CACNA2D3: variants seen among roughly 807,000 people sequenced by gnomAD.
CACNA2D3 encodes the protein calcium voltage-gated channel auxiliary subunit alpha2delta 3.
Under a neutral mutation model 160.6 loss-of-function variants are expected in CACNA2D3, and 60 were observed. The ratio of observed to expected loss-of-function variants is 0.37; its 90% CI spans 0.30 to 0.46. CACNA2D3 has a LOEUF of 0.46. Among genes scored for constraint, CACNA2D3 ranks in the 20% least tolerant of loss-of-function variants. The probability of loss-of-function intolerance (pLI) is 1.00; values close to 1 mark genes in which losing one functional copy is unlikely to be tolerated. For synonymous variants in CACNA2D3, 558 were observed against 492.9 expected, an observed-to-expected ratio of 1.13 and a Z score of -1.75; for missense variants, 1,205 against 1,365.0, an observed-to-expected ratio of 0.88 and a Z score of 1.85.
chr3:54,503,080 T>C (rs963214252), intron 4 of CACNA2D3, among the ~76,000 whole-genome samples: 2 of 152,212 alleles, frequency 1.3e-5, no homozygotes, highest in Non-Finnish European at 2.9e-5. Context: ...CCTGCTGTAT[T>C]ATTTTTCCAT....
At chr3:54,487,754 A>G (rs1026415678) in intron 4 of CACNA2D3, among the ~76,000 whole-genome samples, 1 of 152,260 alleles carries the variant, frequency 6.6e-6, no homozygotes, top group African/African-American at 2.4e-5. Flanking sequence ...GGTAGCCACA[A>G]GCCATGGGTG....
intron 2 of CACNA2D3, among the ~76,000 whole-genome samples, chr3:54,202,399 C>T (rs1187363523): frequency 6.6e-6 from 1 of 152,248 alleles, no homozygotes; most frequent in East Asian, 1.9e-4. Context: ...AAGAATCCAG[C>T]CCCAAGTCCC....
At chr3:54,743,057 G>A (rs1701685400) in intron 11 of CACNA2D3, among the ~76,000 whole-genome samples, 2 of 152,202 alleles carry the variant, frequency 1.3e-5, no homozygotes, top group South Asian at 4.1e-4. Context: ...GAAGGAATGA[G>A]CTCTATGCTG....
At chr3:54,131,507 A>G (rs1365193724) in intron 2 of CACNA2D3, among the ~76,000 whole-genome samples, 1 of 152,164 alleles carries the variant, frequency 6.6e-6, no homozygotes, top group Non-Finnish European at 1.5e-5. Flanking sequence ...GATAACCTCT[A>G]ATCCCGATGC....
At chr3:54,865,963 A>C (rs1443337749) in intron 17 of CACNA2D3, among the ~76,000 whole-genome samples, 2 of 151,922 alleles carry the variant, frequency 1.3e-5, no homozygotes, top group Non-Finnish European at 2.9e-5. Flanking sequence ...CTAGCCCCAG[A>C]CCACACAGCA....
intron 2 of CACNA2D3, among the ~76,000 whole-genome samples, chr3:54,206,306 G>T (rs758965906): frequency 1.1e-4 from 17 of 152,158 alleles, no homozygotes; most frequent in Non-Finnish European, 2.2e-4. Context: ...AGAAACGGTG[G>T]CTCTGTCTGT....
At chr3:54,345,844 T>TA (rs202046556) in intron 3 of CACNA2D3, among the ~76,000 whole-genome samples, 13,574 of 149,846 alleles carry the variant, frequency 0.091, 1,154 homozygotes, top group African/African-American at 0.23. Context: ...TTTTTTTTTT[T>TA]TAAAAAAATT....
intron 5 of CACNA2D3, among the ~76,000 whole-genome samples, chr3:54,541,607 A>G (rs1575512347): frequency 6.6e-6 from 1 of 152,188 alleles, no homozygotes; most frequent in Non-Finnish European, 1.5e-5. Flanking sequence ...ACACTTATTT[A>G]GACATGCTAC....
intron 17 of CACNA2D3, among the ~76,000 whole-genome samples, chr3:54,850,629 G>A (rs554369901): frequency 6.6e-6 from 1 of 152,166 alleles, no homozygotes; most frequent in Admixed American, 6.5e-5. Context: ...TTCCCCCAAG[G>A]AGGAGGTCTG....
At chr3:54,851,266 G>T (rs953953988) in intron 17 of CACNA2D3, among the ~76,000 whole-genome samples, 1 of 152,240 alleles carries the variant, frequency 6.6e-6, no homozygotes, top group Non-Finnish European at 1.5e-5. Context: ...CTTAAGGAAA[G>T]GATGAAGGGG....
At chr3:54,575,365 C>CAATA (rs1343253524) in intron 8 of CACNA2D3, among the ~76,000 whole-genome samples, 1 of 151,994 alleles carries the variant, frequency 6.6e-6, no homozygotes, top group Non-Finnish European at 1.5e-5. Flanking sequence ...TGTTTATTTA[C>CAATA]CTGTTTTTTG....
At chr3:54,236,359 A>G (rs1434443954) in intron 2 of CACNA2D3, among the ~76,000 whole-genome samples, 4 of 152,244 alleles carry the variant, frequency 2.6e-5, no homozygotes, top group South Asian at 2.1e-4. Flanking sequence ...AAATACACCA[A>G]TAAATGTAAG....
chr3:54,618,374 TGCACACACACACACAC>T (rs1284289614), intron 9 of CACNA2D3, among the ~76,000 whole-genome samples: 1 of 54,584 alleles, frequency 1.8e-5, no homozygotes, highest in Non-Finnish European at 3.1e-5. Context: ...TATATATATA[TGCACACACACACACAC>T]ACACACACAC....
intron 9 of CACNA2D3, among the ~76,000 whole-genome samples, chr3:54,620,443 G>A (rs1453177213): frequency 4.6e-5 from 7 of 152,202 alleles, no homozygotes; most frequent in African/African-American, 1.7e-4. Flanking sequence ...AGGGCAGCAA[G>A]GAGCAGCAGA....
intron 11 of CACNA2D3, among the ~76,000 whole-genome samples, chr3:54,683,389 T>C (rs1286674478): frequency 6.6e-6 from 1 of 152,188 alleles, no homozygotes; most frequent in East Asian, 1.9e-4. Flanking sequence ...CAATGTGGGC[T>C]TGGTCAGCAG....
intron 9 of CACNA2D3, among the ~76,000 whole-genome samples, chr3:54,596,975 C>G (rs1164800677): frequency 6.6e-6 from 1 of 152,124 alleles, no homozygotes; most frequent in Non-Finnish European, 1.5e-5. Flanking sequence ...TCCCCACAGG[C>G]CAGCATCTCA....
chr3:54,418,043 C>T (rs1008145046), intron 4 of CACNA2D3, among the ~76,000 whole-genome samples: 4 of 152,168 alleles, frequency 2.6e-5, no homozygotes, highest in Non-Finnish European at 5.9e-5. Flanking sequence ...CCGCCTTGGC[C>T]TCCCGAAGTT....
Position 54,736,127 on chromosome 3 carries a change from A to G in CACNA2D3, c.1168-16472A>G, listed in dbSNP as rs367945963. 2.7e-3 allele frequency among the ~76,000 whole-genome samples: 182 copies of G among 66,248 alleles called. 20 individuals carry two copies. Among genetic ancestry groups the G allele is most frequent in the African/African-American group, 3.4e-3 (58 of 17,050 alleles). The allele number at this position is 66,248 out of a possible 152,430, so 43.5% of individuals were successfully genotyped here. A position where few individuals can be genotyped will look rare whatever the true frequency, so the allele number is the denominator to read the frequency against. On this transcript the variant is annotated intron_variant, in intron 11 of 37. Transcript: ENST00000474759. ...TATATATGTATATATATACATATATATATGTATATATATACACACACACAC... is the reference window on the plus strand; with the variant it reads ...TATATATGTATATATATACATATATGTATGTATATATATACACACACACAC...
chr3:54,874,571 T>A (rs1699615761), intron 18 of CACNA2D3: 2 of 152,220 alleles, frequency 1.3e-5, no homozygotes. Flanking sequence ...TGCCATATAT[T>A]AGCTCTTCCT....
Sources: gnomAD v4.1 joint callset for allele counts (sites outside exome capture counted in the v4.1 genomes callset) on GRCh38, gnomAD v4.1.1 for gene constraint, MANE v1.5 for transcripts, NCBI Gene and HGNC (gene_info 2026-07-23, HGNC 2026-07-21) for gene names.